FANCC: variants seen among roughly 807,000 people sequenced by gnomAD.
The protein encoded by FANCC is FA complementation group C.
A neutral mutation model predicts 71.3 loss-of-function variants in FANCC; 55 were observed. The observed-to-expected ratio is 0.77, with a 90% CI of 0.62 to 0.97. The LOEUF (loss-of-function observed/expected upper bound fraction) is 0.97, where lower values mean the gene tolerates loss of function less well. Among genes scored for constraint, FANCC ranks in the 50% least tolerant of loss-of-function variants. The pLI is 0.00. For synonymous variants in FANCC, 275 were observed against 244.9 expected (o/e 1.12, Z -1.15); for missense variants, 678 against 670.9 (o/e 1.01, Z -0.12).
intron 4 of FANCC, among the ~76,000 whole-genome samples, chr9:95,240,368 A>G (rs1830565831): frequency 6.6e-6 from 1 of 152,216 alleles, no homozygotes; most frequent in African/African-American, 2.4e-5. Context: ...AGTGAAATGG[A>G]ATACATTATT....
Position 95,101,529 on chromosome 9 carries a change from C to A in FANCC, c.*178G>T. On this transcript the variant is annotated 3_prime_UTR_variant, in exon 15 of 15. Transcript: ENST00000289081. Reference sequence around the variant, plus strand: ...TCTGACTGAGTCTGGGCTGAGGGACCTGGCTCTGCATTTTGTAAAATAGAT... The same window carrying A: ...TCTGACTGAGTCTGGGCTGAGGGACATGGCTCTGCATTTTGTAAAATAGAT... 1 of 755,756 alleles carries A rather than the reference C, an allele frequency of 1.3e-6. No homozygotes were observed. The allele number at this position is 755,756 out of a possible 1,614,324, so 46.8% of individuals were successfully genotyped here. A position where few individuals can be genotyped will look rare whatever the true frequency, so the allele number is the denominator to read the frequency against.
chr9:95,123,730 G>C, intron 10 of FANCC: 1 of 691,872 alleles, frequency 1.4e-6, no homozygotes, highest in South Asian at 1.4e-5. Context: ...TGTATTTGAA[G>C]CTACATTACT....
intron 6 of FANCC, among the ~76,000 whole-genome samples, chr9:95,155,343 AAGGGAGGGAGGG>A (rs1232805962): frequency 1.9e-4 from 5 of 26,390 alleles, no homozygotes; most frequent in South Asian, 2.8e-3. Context: ...GGAAGGGAGG[AAGGGAGGGAGGG>A]AGGGAGGGAG....
chr9:95,284,552 C>G (rs1195288852), intron 1 of FANCC, among the ~76,000 whole-genome samples: 4 of 152,074 alleles, frequency 2.6e-5, no homozygotes, highest in Non-Finnish European at 5.9e-5. Flanking sequence ...CTGTAAATTT[C>G]TCAACATCTT....
At chr9:95,249,032 A>C in intron 2 of FANCC, 95 bp downstream of exon 2, 2 of 1,359,080 alleles carry the variant, frequency 1.5e-6, no homozygotes, top group Non-Finnish European at 2.1e-6. Context: ...AGTCAATACC[A>C]CAAGTCCCGA....
chr9:95,126,888 C>A, intron 8 of FANCC: 1 of 364,244 alleles, frequency 2.7e-6, no homozygotes, highest in Non-Finnish European at 5.2e-6. Flanking sequence ...CTTTAAACAT[C>A]CCTCTGCCCG....
At chr9:95,259,079 T>A (rs896305171) in intron 1 of FANCC, among the ~76,000 whole-genome samples, 7 of 152,140 alleles carry the variant, frequency 4.6e-5, no homozygotes, top group Non-Finnish European at 1.0e-4. Context: ...TGCTCACGGA[T>A]AGGAAGAATA....
At chr9:95,244,129 ACTC>A (rs1830795792) in intron 3 of FANCC, among the ~76,000 whole-genome samples, 1 of 152,188 alleles carries the variant, frequency 6.6e-6, no homozygotes, top group African/African-American at 2.4e-5. Context: ...ATCAGTCTGA[ACTC>A]CTACTTTTAC....
At chr9:95,129,449 A>G (rs1464157063) in intron 8 of FANCC, among the ~76,000 whole-genome samples, 1 of 152,204 alleles carries the variant, frequency 6.6e-6, no homozygotes, top group East Asian at 1.9e-4. Context: ...TAGCATCTTC[A>G]TGAGTGATGA....
At chr9:95,291,681 C>T (rs963722472) in intron 1 of FANCC, among the ~76,000 whole-genome samples, 6 of 152,010 alleles carry the variant, frequency 3.9e-5, no homozygotes, top group Non-Finnish European at 8.8e-5. Flanking sequence ...GGCACAGTGA[C>T]TCATGCCTGT....
At chr9:95,317,322 C>G (rs1293637202) in intron 1 of FANCC, 2 of 152,244 alleles carry the variant, frequency 1.3e-5, no homozygotes, top group Non-Finnish European at 2.9e-5. Context: ...CGCCTCCCGC[C>G]TCCCGCCTCC....
At chr9:95,213,706 T>C (rs1188940930) in intron 4 of FANCC, among the ~76,000 whole-genome samples, 1 of 152,102 alleles carries the variant, frequency 6.6e-6, no homozygotes, top group Non-Finnish European at 1.5e-5. Flanking sequence ...ATAAAATTCT[T>C]AGAAGAAAAG....
intron 4 of FANCC, among the ~76,000 whole-genome samples, chr9:95,199,743 C>G (rs1487230311): frequency 6.6e-6 from 1 of 152,186 alleles, no homozygotes; most frequent in East Asian, 1.9e-4. Context: ...TAGTGACTTC[C>G]AGAGTTCTGA....
At chr9:95,272,993 C>A (rs1362964988) in intron 1 of FANCC, among the ~76,000 whole-genome samples, 1 of 152,126 alleles carries the variant, frequency 6.6e-6, no homozygotes, top group South Asian at 2.1e-4. Flanking sequence ...GACCATCCAT[C>A]CCGTTAGAAC....
intron 10 of FANCC, 106 bp from the exon 11 acceptor site, chr9:95,117,496 A>C: frequency 2.5e-6 from 2 of 810,880 alleles, no homozygotes; most frequent in Non-Finnish European, 4.2e-6. Context: ...CACCAGTACT[A>C]ACATGGTCAG....
At chr9:95,115,442 T>C (rs1485683070) in intron 11 of FANCC, among the ~76,000 whole-genome samples, 2 of 152,226 alleles carry the variant, frequency 1.3e-5, no homozygotes, top group African/African-American at 4.8e-5. Context: ...ATAGACTGCC[T>C]GACTGCTTTC....
chr9:95,286,798 T>C (rs1185881660), intron 1 of FANCC, among the ~76,000 whole-genome samples: 2 of 152,186 alleles, frequency 1.3e-5, no homozygotes, highest in African/African-American at 4.8e-5. Flanking sequence ...CAGAGTTTAG[T>C]GAGGCATGGT....
intron 7 of FANCC, among the ~76,000 whole-genome samples, chr9:95,135,850 T>C (rs1295548462): frequency 6.6e-6 from 1 of 152,296 alleles, no homozygotes; most frequent in South Asian, 2.1e-4. Context: ...GAAATAGGCA[T>C]GTTCAAACAC....
At chr9:95,227,719 G>A (rs1482785553) in intron 4 of FANCC, among the ~76,000 whole-genome samples, 1 of 152,174 alleles carries the variant, frequency 6.6e-6, no homozygotes, top group East Asian at 1.9e-4. Context: ...CAAGTTAAGT[G>A]AATTCTTTAC....
Sources: allele counts gnomAD v4.1 joint callset (sites outside exome capture counted in the v4.1 genomes callset), GRCh38; gene constraint gnomAD v4.1.1; transcripts MANE v1.5; gene names NCBI Gene and HGNC (gene_info 2026-07-23, HGNC 2026-07-21).